Variants in CHODL observed in about 807,000 individuals in gnomAD.
CHODL encodes the protein chondrolectin, also known as transmembrane protein MT75.
CHODL carries 29 observed loss-of-function variants against 34.5 expected under a neutral mutation model. The ratio of observed to expected loss-of-function variants is 0.84; its 90% CI spans 0.63 to 1.15. The LOEUF (loss-of-function observed/expected upper bound fraction) is 1.15, where lower values mean the gene tolerates loss of function less well. Among genes scored for constraint, CHODL ranks in the 50% most tolerant of loss-of-function variants. The pLI is 0.00. For missense variants in CHODL, 332 were observed against 332.5 expected, an observed-to-expected ratio of 1.00 and a Z score of 0.01; for synonymous variants, 125 against 116.1, an observed-to-expected ratio of 1.08 and a Z score of -0.49.
intron 2 of CHODL, among the ~76,000 whole-genome samples, chr21:18,208,873 C>T (rs112259094): frequency 1.4e-5 from 2 of 147,160 alleles, no homozygotes; most frequent in Non-Finnish European, 3.0e-5. Flanking sequence ...CTGTCCCCCC[C>T]ACCCCCGCCC....
chr21:18,112,894 C>G (rs1294085501), intron 2 of CHODL, among the ~76,000 whole-genome samples: 1 of 152,030 alleles, frequency 6.6e-6, no homozygotes, highest in Non-Finnish European at 1.5e-5. Flanking sequence ...GCACAGGCAA[C>G]CAAAGCAAAA....
At chr21:18,032,854 C>T (rs996441357) in intron 2 of CHODL, among the ~76,000 whole-genome samples, 6 of 151,964 alleles carry the variant, frequency 3.9e-5, no homozygotes, top group East Asian at 1.9e-4. Context: ...TTAAAGGTGA[C>T]GGCATGACAT....
At chr21:18,196,271 A>G (rs1004798944) in intron 2 of CHODL, among the ~76,000 whole-genome samples, 1 of 152,220 alleles carries the variant, frequency 6.6e-6, no homozygotes, top group African/African-American at 2.4e-5. Context: ...GTTATACACT[A>G]TATCTCAAAC....
upstream of CHODL, among the ~76,000 whole-genome samples, chr21:18,243,052 C>T (rs1201671546): frequency 6.6e-6 from 1 of 152,104 alleles, no homozygotes; most frequent in Non-Finnish European, 1.5e-5. Flanking sequence ...CCTTCAGAAC[C>T]CTAGTTCTAC....
rs562127032 is a variant in CHODL, at chr21:17,939,186, A to G, written c.-145+21786A>G. Among the ~76,000 whole-genome samples the G allele has an allele frequency of 7.7e-4, 117 of 152,258 alleles. 3 individuals are homozygous for G. In the South Asian group the frequency reaches 0.023, roughly 30 times the overall value. The stretch of plus-strand genomic sequence containing the variant: ...GTTGTACAGCAGATCTTTAGAGCTT[A>G]TTTGTCTTGCTTCACTGAAGCTTTA... On this transcript the variant is annotated intron_variant, in intron 1 of 6. Coordinates refer to the CHODL transcript ENST00000400127.
chr21:17,973,337 C>CATCA (rs964887228), intron 1 of CHODL, among the ~76,000 whole-genome samples: 1 of 151,970 alleles, frequency 6.6e-6, no homozygotes, highest in Non-Finnish European at 1.5e-5. Context: ...AAGAAACTAT[C>CATCA]ATCAGAGTGA....
In CHODL at chr21:18,035,192, G is replaced by A. The variant is rs551387950; in HGVS notation, c.-45+7221G>A. On this transcript the variant is annotated intron_variant, in intron 2 of 6. Transcript: ENST00000400127. ...TAGACCCATTTCTCCATTTAGTATC[G>A]CTTTTCCTTCATTCTGAAGGACTTG... Among the ~76,000 whole-genome samples the A allele has an allele frequency of 3.9e-5, 6 of 151,906 alleles. No individual in the cohort carries two copies. In the East Asian group the frequency reaches 5.8e-4, roughly 15 times the overall value.
rs542807552 is a variant in CHODL at position 17,977,364 on chromosome 21, C to CTT, written c.-144-50493_-144-50492dup. 1.6e-3 allele frequency among the ~76,000 whole-genome samples: 216 copies of CTT among 134,118 alleles called. 4 individuals are homozygous for CTT. Among genetic ancestry groups the CTT allele is most frequent in the Non-Finnish European group, 2.3e-3 (149 of 63,546 alleles). 88.0% of individuals were successfully genotyped at this position (134,118 alleles called of 152,430 possible). A position where few individuals can be genotyped will look rare whatever the true frequency, so the allele number is the denominator to read the frequency against. On this transcript the variant is annotated intron_variant, in intron 1 of 6. Coordinates refer to the CHODL transcript ENST00000400127. The stretch of plus-strand genomic sequence containing the variant: ...TGTTAAGGTGTTGTTGGCTGTTTTA[C>CTT]TTTTTTTTTTTTTTTTGAGATGGAG...
At chr21:17,937,918 T>C (rs1319167465) in intron 1 of CHODL, among the ~76,000 whole-genome samples, 1 of 152,184 alleles carries the variant, frequency 6.6e-6, no homozygotes, top group Non-Finnish European at 1.5e-5. Context: ...ACAAGGTACC[T>C]GTCTTTGATG....
intron 2 of CHODL, among the ~76,000 whole-genome samples, chr21:18,030,663 G>T (rs2064237140): frequency 6.6e-6 from 1 of 152,088 alleles, no homozygotes; most frequent in African/African-American, 2.4e-5. Flanking sequence ...TTGTTACTAG[G>T]AATAGAAATG....
intron 2 of CHODL, among the ~76,000 whole-genome samples, chr21:18,062,661 G>A (rs1231486153): frequency 6.6e-6 from 1 of 152,128 alleles, no homozygotes; most frequent in Non-Finnish European, 1.5e-5. Flanking sequence ...AGCTACTCGG[G>A]AGGCTGAGGC....
intron 2 of CHODL, among the ~76,000 whole-genome samples, chr21:18,232,912 C>T (rs1296606034): frequency 7.6e-6 from 1 of 131,780 alleles, no homozygotes; most frequent in South Asian, 2.4e-4. Flanking sequence ...TATAATGGTC[C>T]ATATAATTAT....
rs869044440 is a variant in CHODL, at chr21:17,992,718, G to GTTTT, written c.-144-35132_-144-35129dup. Among the ~76,000 whole-genome samples, 202 of 57,144 alleles carry GTTTT rather than the reference G, an allele frequency of 3.5e-3. 5 individuals are homozygous for GTTTT. Among genetic ancestry groups the GTTTT allele is most frequent in the East Asian group, 8.2e-3 (15 of 1,834 alleles). 37.5% of individuals were successfully genotyped at this position (57,144 alleles called of 152,430 possible). A position where few individuals can be genotyped will look rare whatever the true frequency, so the allele number is the denominator to read the frequency against. Reference sequence around the variant, plus strand: ...AGTTCTCAGAGTTTCTGGTGGAGTTGTTTTTTTTTTTTTTTTTTTTTTTTT... The same window carrying GTTTT: ...AGTTCTCAGAGTTTCTGGTGGAGTTGTTTTTTTTTTTTTTTTTTTTTTTTTTTTT... On this transcript the variant is annotated intron_variant, in intron 1 of 6. Coordinates refer to the CHODL transcript ENST00000400127.
chr21:17,984,330 A>G (rs2063737217), intron 1 of CHODL, among the ~76,000 whole-genome samples: 1 of 152,196 alleles, frequency 6.6e-6, no homozygotes, highest in Non-Finnish European at 1.5e-5. Flanking sequence ...TACCGTGAAC[A>G]TGGGAGTGCA....
chr21:18,237,990 A>C (rs1213159980), intron 2 of CHODL, among the ~76,000 whole-genome samples: 11 of 152,156 alleles, frequency 7.2e-5, no homozygotes, highest in Non-Finnish European at 1.2e-4. Context: ...AGATGCAGTC[A>C]TAGAAAAAAC....
chr21:18,071,068 T>G (rs209257), intron 2 of CHODL, among the ~76,000 whole-genome samples: 125,802 of 150,630 alleles, frequency 0.84, 53,079 homozygotes, highest in East Asian at 1. Flanking sequence ...TTTTTCAATT[T>G]TTACTCCTCT....
chr21:18,084,920 A>AGTGTGT (rs376876845), intron 2 of CHODL, among the ~76,000 whole-genome samples: 3,029 of 85,218 alleles, frequency 0.036, 66 homozygotes, highest in African/African-American at 0.072. Flanking sequence ...GTCTAGTAAT[A>AGTGTGT]GTGTGTGTGT....
chr21:18,134,759 TG>T (rs2072699953), intron 2 of CHODL, among the ~76,000 whole-genome samples: 1 of 152,202 alleles, frequency 6.6e-6, no homozygotes, highest in African/African-American at 2.4e-5. Context: ...TTTGCACATT[TG>T]GGTGACACTT....
At chr21:17,958,413 C>T (rs181690936) in intron 1 of CHODL, among the ~76,000 whole-genome samples, 130 of 152,248 alleles carry the variant, frequency 8.5e-4, no homozygotes, top group African/African-American at 3.1e-3. Flanking sequence ...AGGTTGCTTC[C>T]TAGCTCTAGG....
Sources: gnomAD v4.1 joint callset for allele counts (sites outside exome capture counted in the v4.1 genomes callset) on GRCh38, gnomAD v4.1.1 for gene constraint, MANE v1.5 for transcripts, NCBI Gene and HGNC (gene_info 2026-07-23, HGNC 2026-07-21) for gene names.